GAS7: variants seen among roughly 807,000 people sequenced by gnomAD.
GAS7 encodes the protein growth arrest-specific protein 7.
GAS7 carries 28 observed loss-of-function variants against 71.1 expected under a neutral mutation model. That is an observed-to-expected ratio of 0.39 (90% CI 0.29 to 0.54). The LOEUF is 0.54. GAS7 is among the 20% of genes least tolerant of loss of function. The probability of loss-of-function intolerance (pLI) is 0.62; values close to 1 mark genes in which losing one functional copy is unlikely to be tolerated. For missense variants in GAS7, 436 were observed against 627.8 expected, an observed-to-expected ratio of 0.69 and a Z score of 3.27; for synonymous variants, 258 against 245.8, an observed-to-expected ratio of 1.05 and a Z score of -0.46.
At chr17:10,062,120 G>C (rs1019670388) in intron 1 of GAS7, among the ~76,000 whole-genome samples, 3 of 152,214 alleles carry the variant, frequency 2.0e-5, no homozygotes, top group Non-Finnish European at 2.9e-5. Flanking sequence ...TCAAGCTCAG[G>C]ACTTTTAGAG....
intron 1 of GAS7, among the ~76,000 whole-genome samples, chr17:10,179,400 C>G (rs1483295163): frequency 6.6e-6 from 1 of 151,918 alleles, no homozygotes; most frequent in East Asian, 1.9e-4. Flanking sequence ...TTATACCAAG[C>G]AGGGAGATAT....
chr17:10,137,364 C>T (rs2074047036), intron 1 of GAS7, among the ~76,000 whole-genome samples: 1 of 151,694 alleles, frequency 6.6e-6, no homozygotes, highest in South Asian at 2.1e-4. Context: ...CAACCTGCCC[C>T]CCTCACCCTC....
At chr17:10,059,779 C>T (rs774116044) in intron 1 of GAS7, 379 of 984,730 alleles carry the variant, frequency 3.8e-4, no homozygotes, top group Non-Finnish European at 4.2e-4. Context: ...CCCGTGGCAT[C>T]GGCTAATTCA....
Position 9,981,175 on chromosome 17 carries a change from G to A in GAS7, c.385+629C>T, listed in dbSNP as rs758680315. 7.9e-5 allele frequency among the ~76,000 whole-genome samples: 12 copies of A among 151,906 alleles called. No individual in the cohort carries two copies. Among genetic ancestry groups the A allele is most frequent in the East Asian group, 5.8e-4 (3 of 5,146 alleles). On this transcript the variant is annotated intron_variant, in intron 3 of 13. Coordinates refer to ENST00000432992, the MANE Select transcript of GAS7 (RefSeq NM_201433.2). This position sits in a 1 kb window ranked among gnomAD's most constrained non-coding sequence, Gnocchi z 4.4. ...GGTGTGGTGGTGCGCACCTGCAATC[G>A]CAGCTACTCGGGAGGCTGGGGAACA...
At chr17:9,948,358 A>G (rs1325811961) in intron 5 of GAS7, among the ~76,000 whole-genome samples, 1 of 152,240 alleles carries the variant, frequency 6.6e-6, no homozygotes, top group Admixed American at 6.5e-5. Context: ...TTATGTCACG[A>G]TGTGTATCAT....
intron 5 of GAS7, among the ~76,000 whole-genome samples, chr17:9,951,841 G>A (rs995007529): frequency 1.3e-5 from 2 of 150,426 alleles, no homozygotes; most frequent in Non-Finnish European, 2.9e-5. Context: ...ACGTGGGGCA[G>A]GCAGGAGGAG....
intron 1 of GAS7, among the ~76,000 whole-genome samples, chr17:10,187,088 ATTGTATTTTT>A (rs2074460387): frequency 6.6e-6 from 1 of 152,204 alleles, no homozygotes; most frequent in African/African-American, 2.4e-5. Flanking sequence ...ACACGGCAGG[ATTGTATTTTT>A]TCACTGTCTT....
intron 1 of GAS7, among the ~76,000 whole-genome samples, chr17:10,135,657 T>C (rs1441603876): frequency 2.6e-5 from 4 of 152,154 alleles, no homozygotes; most frequent in African/African-American, 9.7e-5. Flanking sequence ...CACAATGCCT[T>C]CTTTTTCTTT....
chr17:9,933,710 T>C (rs533624354), intron 9 of GAS7, among the ~76,000 whole-genome samples: 2 of 152,150 alleles, frequency 1.3e-5, no homozygotes, highest in Admixed American at 1.3e-4. Flanking sequence ...CCAGGCATGG[T>C]TGCATACACC....
At chr17:10,063,217 T>C (rs2073239035) in intron 1 of GAS7, among the ~76,000 whole-genome samples, 1 of 152,250 alleles carries the variant, frequency 6.6e-6, no homozygotes, top group African/African-American at 2.4e-5. Context: ...TTCCTGCTCC[T>C]GCCTACCTCC....
chr17:10,169,144 G>A lies in GAS7; in HGVS notation c.183+29064C>T, dbSNP rs187628632. 1.2e-3 allele frequency among the ~76,000 whole-genome samples: 184 copies of A among 151,616 alleles called. 3 individuals carry two copies. Among genetic ancestry groups the A allele is most frequent in the Non-Finnish European group, 2.5e-3 (167 of 67,946 alleles). On this transcript the variant is annotated intron_variant, in intron 1 of 13. Coordinates refer to ENST00000432992, the MANE Select transcript of GAS7 (RefSeq NM_201433.2). ...ACAAAATAGCCAGGCATGGTGGCGC[G>A]CACCTGTAATCCCCGCTACTCTGAA...
At chr17:10,192,563 G>C (rs1235794525) in intron 1 of GAS7, among the ~76,000 whole-genome samples, 1 of 152,206 alleles carries the variant, frequency 6.6e-6, no homozygotes, top group Non-Finnish European at 1.5e-5. Flanking sequence ...CATGTTTCTA[G>C]GTGGTAACAG....
intron 1 of GAS7, among the ~76,000 whole-genome samples, chr17:10,162,165 T>C (rs968850379): frequency 1.1e-4 from 16 of 151,020 alleles, no homozygotes; most frequent in Non-Finnish European, 1.6e-4. Flanking sequence ...AGGCACATGC[T>C]GGTCCCTCTG....
chr17:10,024,076 A>C (rs767629913), intron 1 of GAS7, among the ~76,000 whole-genome samples: 1 of 152,192 alleles, frequency 6.6e-6, no homozygotes, highest in African/African-American at 2.4e-5. Context: ...GTGAGCCAAG[A>C]CTGCGCCATT....
chr17:10,035,759 GT>G (rs1455823213), intron 1 of GAS7, among the ~76,000 whole-genome samples: 1 of 152,180 alleles, frequency 6.6e-6, no homozygotes, highest in African/African-American at 2.4e-5. Context: ...AAACAAGGCT[GT>G]TGTACTGCTA....
At chr17:10,001,628 T>C (rs2071272624) in intron 2 of GAS7, among the ~76,000 whole-genome samples, 1 of 152,078 alleles carries the variant, frequency 6.6e-6, no homozygotes, top group African/African-American at 2.4e-5. Flanking sequence ...GATGGGGGAA[T>C]TGCAATTTCA....
At chr17:10,196,774 C>T (rs574671625) in intron 1 of GAS7, among the ~76,000 whole-genome samples, 1 of 152,298 alleles carries the variant, frequency 6.6e-6, no homozygotes, top group Non-Finnish European at 1.5e-5. Context: ...GTATCTATCC[C>T]AGGGCTTCAA....
intron 4 of GAS7, among the ~76,000 whole-genome samples, chr17:9,962,233 A>G (rs941871232): frequency 1.8e-5 from 2 of 111,526 alleles, no homozygotes; most frequent in African/African-American, 9.7e-5. Context: ...TATCACGTGC[A>G]TTTTATACAC....
chr17:10,110,128 C>A (rs1177671223), intron 1 of GAS7, among the ~76,000 whole-genome samples: 1 of 150,256 alleles, frequency 6.7e-6, no homozygotes, highest in Non-Finnish European at 1.5e-5. Flanking sequence ...TTCACAATAG[C>A]AAAATTATGG....
Sources: allele counts gnomAD v4.1 joint callset (sites outside exome capture counted in the v4.1 genomes callset), GRCh38; gene constraint gnomAD v4.1.1; non-coding constraint Gnocchi (gnomAD v3.1); transcripts MANE v1.5; gene names NCBI Gene and HGNC (gene_info 2026-07-23, HGNC 2026-07-21).